The following SMYD4 variants were observed in gnomAD, a reference collection of about 807,000 sequenced individuals.
SMYD4 encodes the protein protein-lysine N-methyltransferase SMYD4.
Under a neutral mutation model 72.8 loss-of-function variants are expected in SMYD4, and 68 were observed. That is an observed-to-expected ratio of 0.93 (90% confidence interval 0.77 to 1.14). The LOEUF (loss-of-function observed/expected upper bound fraction) is 1.14, where lower values mean the gene tolerates loss of function less well. Ranked by LOEUF, SMYD4 falls within the 50% of genes most tolerant of loss-of-function variation. The pLI is 0.00. For missense variants in SMYD4, 984 were observed against 1,003.7 expected (o/e 0.98, Z 0.27); for synonymous variants, 407 against 388.6 (o/e 1.05, Z -0.56).
chr17:1,829,889 T>A lies in SMYD4; in HGVS notation c.-176A>T, dbSNP rs1427639936. ...TCCGGCGTCCCGCGCCAGGCCTCGC[T>A]TGGGACCATGGGTGGGTCACGTGGG... On this transcript the variant is annotated 5_prime_UTR_variant, in exon 1 of 11. The change creates a new upstream start codon in the 5' untranslated region. Coordinates refer to ENST00000305513, the MANE Select transcript of SMYD4 (RefSeq NM_052928.3). 14 of 427,814 alleles carry A rather than the reference T, an allele frequency of 3.3e-5. No individual in the cohort carries two copies. The highest frequency in any genetic ancestry group is 5.3e-5 in the Non-Finnish European group (14 of 264,004). 26.5% of individuals were successfully genotyped at this position (427,814 alleles called of 1,614,324 possible).
At chr17:1,786,705 T>C in intron 7 of SMYD4, 105 bp downstream of exon 7, 2 of 1,370,166 alleles carry the variant, frequency 1.5e-6, no homozygotes, top group South Asian at 2.6e-5. Flanking sequence ...ATATTACTGG[T>C]CTCAGCACTT....
intron 4 of SMYD4, among the ~76,000 whole-genome samples, chr17:1,803,327 C>T (rs761894417): frequency 3.3e-5 from 5 of 152,214 alleles, no homozygotes; most frequent in Non-Finnish European, 5.9e-5. Context: ...GCTATTACTA[C>T]AGGGATAATC....
intron 2 of SMYD4, among the ~76,000 whole-genome samples, chr17:1,825,743 T>A (rs9906153): frequency 0.057 from 8,665 of 151,722 alleles, 843 homozygotes; most frequent in African/African-American, 0.2. Context: ...GCTCAAGCAA[T>A]CCTCTCACCT....
chr17:1,812,273 T>TTC (rs1567783313), intron 2 of SMYD4, among the ~76,000 whole-genome samples, 158 bp from the exon 3 acceptor site: 1 of 152,130 alleles, frequency 6.6e-6, no homozygotes, highest in Non-Finnish European at 1.5e-5. Flanking sequence ...AGAAATCTCA[T>TTC]AGTCTCAGAG....
chr17:1,800,335 C>A lies in SMYD4; in HGVS notation c.1059G>T (p.Arg353Ser). The change falls in exon 5 of 11, where the codon AGG becomes AGT. Residue 353 changes from arginine to serine, a missense_variant. Physicochemically the swap from Arg to Ser is moderately radical, Grantham distance 110 (BLOSUM62 -1). Transcript: ENST00000305513. ...TLGVFCHIAL[R>S]LTLLVGFEDV... ...CCTCAAATCCCACCAAAAGAGTCAACCTCAGGGCAATGTGGCAAAAGACAC... is the reference window on the plus strand; with the variant it reads ...CCTCAAATCCCACCAAAAGAGTCAAACTCAGGGCAATGTGGCAAAAGACAC... 1 of 1,614,144 alleles carries A rather than the reference C, an allele frequency of 6.2e-7. No individual in the cohort carries two copies. The highest frequency in any genetic ancestry group is 8.5e-7 in the Non-Finnish European group (1 of 1,180,036).
intron 9 of SMYD4, 63 bp from the exon 10 acceptor site, chr17:1,783,221 CAGGGGGAGGAAATGGAACGAG>C: frequency 6.2e-7 from 1 of 1,612,882 alleles, no homozygotes; most frequent in East Asian, 2.2e-5. Context: ...TGCATATTTT[CAGGGGGAGGAAATGGAACGAG>C]AGGGGGAGCA....
At chr17:1,790,281 G>T (rs757917994) in intron 5 of SMYD4, among the ~76,000 whole-genome samples, 1 of 152,146 alleles carries the variant, frequency 6.6e-6, no homozygotes, top group East Asian at 1.9e-4. Context: ...CCCAGGAACC[G>T]TGTGGGTATT....
chr17:1,780,623 A>ATTTT lies in SMYD4; in HGVS notation c.*659_*662dup, dbSNP rs796389357. 8.1e-6 allele frequency: 1 copy of ATTTT among 123,722 alleles called. No individual in the cohort carries two copies. The highest frequency in any genetic ancestry group is 1.7e-5 in the Non-Finnish European group (1 of 60,478). 7.7% of individuals were successfully genotyped at this position (123,722 alleles called of 1,614,324 possible). A position where few individuals can be genotyped will look rare whatever the true frequency, so the allele number is the denominator to read the frequency against. On this transcript the variant is annotated 3_prime_UTR_variant, in exon 11 of 11. Transcript: ENST00000305513. ...ACATCTGGCAGCAGAACCTCTTAAT[A>ATTTT]TTTTTTTTTTTTCTTTGAGATGGAG... is the stretch of plus-strand genomic sequence containing the variant.
At chr17:1,797,423 G>A (rs1488032179) in intron 5 of SMYD4, among the ~76,000 whole-genome samples, 1 of 152,194 alleles carries the variant, frequency 6.6e-6, no homozygotes, top group African/African-American at 2.4e-5. Flanking sequence ...CAGTCACACT[G>A]GAGATGTCAA....
chr17:1,809,622 G>A (rs185518454), intron 3 of SMYD4, among the ~76,000 whole-genome samples: 22 of 149,828 alleles, frequency 1.5e-4, no homozygotes, highest in African/African-American at 4.9e-4. Flanking sequence ...TGATCCACCC[G>A]CCTCGGCCTC....
intron 4 of SMYD4, among the ~76,000 whole-genome samples, chr17:1,804,188 TGA>T (rs1424252037): frequency 1.3e-5 from 2 of 151,594 alleles, no homozygotes; most frequent in Admixed American, 1.3e-4. Context: ...TACATTTTTT[TGA>T]GATAGAGTCT....
At chr17:1,802,995 T>C (rs1417225597) in intron 4 of SMYD4, among the ~76,000 whole-genome samples, 1 of 152,098 alleles carries the variant, frequency 6.6e-6, no homozygotes, top group African/African-American at 2.4e-5. Flanking sequence ...CTACTTAAAA[T>C]TAGCCGGGCG....
intron 4 of SMYD4, among the ~76,000 whole-genome samples, chr17:1,802,934 A>G (rs1031851597): frequency 1.3e-5 from 2 of 152,308 alleles, no homozygotes; most frequent in African/African-American, 4.8e-5. Context: ...CGGGAGGATC[A>G]CAAGGTCAGG....
intron 5 of SMYD4, among the ~76,000 whole-genome samples, chr17:1,795,868 C>A (rs1046682299): frequency 6.7e-6 from 1 of 149,536 alleles, no homozygotes; most frequent in Admixed American, 6.7e-5. Context: ...GTTAAAAAAT[C>A]AGAAAAGTTC....
intron 5 of SMYD4, among the ~76,000 whole-genome samples, chr17:1,789,449 A>C (rs1908885727): frequency 6.6e-6 from 1 of 151,648 alleles, no homozygotes; most frequent in South Asian, 2.1e-4. Context: ...GATAAAGAAA[A>C]TATTATGAAC....
chr17:1,824,061 G>C (rs999150677), intron 2 of SMYD4, among the ~76,000 whole-genome samples: 3 of 152,152 alleles, frequency 2.0e-5, no homozygotes, highest in Non-Finnish European at 4.4e-5. Flanking sequence ...TGACACTATA[G>C]GCCAGGTGGG....
chr17:1,790,790 C>T (rs1171312225), intron 5 of SMYD4, among the ~76,000 whole-genome samples: 2 of 151,894 alleles, frequency 1.3e-5, no homozygotes, highest in Admixed American at 6.6e-5. Flanking sequence ...GCTGGCTAAG[C>T]CATGCCCATC....
chr17:1,807,276 T>C (rs1280449511), intron 3 of SMYD4, among the ~76,000 whole-genome samples: 3 of 151,620 alleles, frequency 2.0e-5, no homozygotes, highest in East Asian at 1.9e-4. Context: ...GTTACATAAA[T>C]TGATACATCC....
Position 1,799,968 on chromosome 17 carries a change from C to T in SMYD4, c.1426G>A (p.Ala476Thr). ...RIVNSSQLKA[A>T]VTPELCPDVT... ...TCAGGACACAATTCAGGTGTCACTG[C>T]TGCTTTAAGCTGAGAGGAGTTCACA... The change falls in exon 5 of 11, where the codon GCA becomes ACA. Residue 476 changes from alanine to threonine, a missense_variant. By Grantham distance (58) the Ala-to-Thr change is moderately conservative. Coordinates refer to ENST00000305513, the MANE Select transcript of SMYD4 (RefSeq NM_052928.3). The T allele has an allele frequency of 6.2e-7, 1 of 1,614,114 alleles. No individual in the cohort carries two copies. The highest frequency in any genetic ancestry group is 8.5e-7 in the Non-Finnish European group (1 of 1,180,022).
Sources: allele counts gnomAD v4.1 joint callset (sites outside exome capture counted in the v4.1 genomes callset), GRCh38; gene constraint gnomAD v4.1.1; transcripts MANE v1.5; gene names NCBI Gene and HGNC (gene_info 2026-07-23, HGNC 2026-07-21).